BNC2: variants seen among roughly 807,000 people sequenced by gnomAD.
BNC2 encodes zinc finger protein basonuclin-2.
In BNC2, 20 loss-of-function variants were observed where a neutral mutation model predicts 76.3. The ratio of observed to expected loss-of-function variants is 0.26; its 90% CI spans 0.18 to 0.38. BNC2 has a LOEUF of 0.38. Among genes scored for constraint, BNC2 ranks in the 10% least tolerant of loss-of-function variants. The probability of loss-of-function intolerance (pLI) is 1.00; values close to 1 mark genes in which losing one functional copy is unlikely to be tolerated. For missense variants in BNC2, 1,382 were observed against 1,399.8 expected, an observed-to-expected ratio of 0.99 and a Z score of 0.20; for synonymous variants, 582 against 514.8, an observed-to-expected ratio of 1.13 and a Z score of -1.77.
intron 5 of BNC2, among the ~76,000 whole-genome samples, chr9:16,484,757 C>A (rs1270260353): frequency 1.3e-5 from 2 of 152,170 alleles, no homozygotes; most frequent in Non-Finnish European, 2.9e-5. Flanking sequence ...GTGCCACGAC[C>A]TATATGTTCT....
chr9:16,510,517 G>A (rs1427961638), intron 5 of BNC2, among the ~76,000 whole-genome samples: 3 of 152,106 alleles, frequency 2.0e-5, no homozygotes, highest in Admixed American at 6.5e-5. Context: ...ACAAAGTCAG[G>A]GAAATTCACC....
In BNC2 at chr9:16,436,004, C is replaced by G. The variant is rs749135029; in HGVS notation, c.2190G>C (p.Glu730Asp). ...RDYENESESS[E>D]PKLGEESMEG... Reference sequence around the variant, plus strand: ...CCATGGATTCCTCGCCCAGTTTGGGCTCCGAAGACTCAGACTCGTTCTCAT... The same window carrying G: ...CCATGGATTCCTCGCCCAGTTTGGGGTCCGAAGACTCAGACTCGTTCTCAT... The change falls in exon 6 of 7, where the codon GAG (glutamate) becomes GAC (aspartate). Residue 730 changes from glutamate (E) to aspartate (D), a missense_variant. By Grantham distance (45) the Glu-to-Asp change is conservative. Transcript: ENST00000380672. 3.7e-5 allele frequency: 60 copies of G among 1,614,060 alleles called. No homozygotes were observed. The highest frequency in any genetic ancestry group is 3.3e-4 in the Middle Eastern group (2 of 6,084).
intron 3 of BNC2, among the ~76,000 whole-genome samples, chr9:16,629,705 G>A (rs1563871234): frequency 6.6e-6 from 1 of 152,040 alleles, no homozygotes; most frequent in Non-Finnish European, 1.5e-5. Flanking sequence ...TTGTTTATTC[G>A]ATGCTGTAGT....
chr9:16,648,728 G>A (rs1235494324), intron 3 of BNC2, among the ~76,000 whole-genome samples: 1 of 152,188 alleles, frequency 6.6e-6, no homozygotes, highest in African/African-American at 2.4e-5. Flanking sequence ...AGAAACATTT[G>A]ACAAGCAGTT....
chr9:16,597,752 A>G (rs977899041), intron 3 of BNC2, among the ~76,000 whole-genome samples: 2 of 152,126 alleles, frequency 1.3e-5, no homozygotes, highest in Non-Finnish European at 1.5e-5. Flanking sequence ...CATAATCTTA[A>G]GTGTACAAAA....
intron 1 of BNC2, among the ~76,000 whole-genome samples, chr9:16,824,422 C>T (rs949387820): frequency 3.9e-5 from 6 of 152,138 alleles, no homozygotes; most frequent in Admixed American, 1.3e-4. Flanking sequence ...ACATATATGA[C>T]ACTCTTTCAA....
chr9:16,630,676 GTAACTAGA>G (rs1478918634), intron 3 of BNC2, among the ~76,000 whole-genome samples: 1 of 150,870 alleles, frequency 6.6e-6, no homozygotes, highest in Non-Finnish European at 1.5e-5. Context: ...AAGAAATCTA[GTAACTAGA>G]TTTCTGGTCC....
chr9:16,806,818 A>G (rs977473832), intron 1 of BNC2, among the ~76,000 whole-genome samples: 1 of 152,188 alleles, frequency 6.6e-6, no homozygotes, highest in Non-Finnish European at 1.5e-5. Flanking sequence ...AGGTGGAGGA[A>G]GTTAACAGGT....
At chr9:16,469,395 AGGGG>A (rs1821771060) in intron 5 of BNC2, among the ~76,000 whole-genome samples, 1 of 152,102 alleles carries the variant, frequency 6.6e-6, no homozygotes, top group South Asian at 2.1e-4. Flanking sequence ...TGGGTTTTTC[AGGGG>A]TTTCTGCTTT....
At chr9:16,860,061 G>A (rs892882059) in intron 1 of BNC2, among the ~76,000 whole-genome samples, 4 of 151,820 alleles carry the variant, frequency 2.6e-5, no homozygotes, top group African/African-American at 9.7e-5. Context: ...GGTGGAGGCT[G>A]CAGTGAGCCG....
At chr9:16,607,387 G>C (rs1820416295) in intron 3 of BNC2, among the ~76,000 whole-genome samples, 1 of 152,152 alleles carries the variant, frequency 6.6e-6, no homozygotes, top group African/African-American at 2.4e-5. Flanking sequence ...GCATTTAAAA[G>C]AAACACAGGA....
chr9:16,529,438 T>C (rs1817911193), intron 5 of BNC2, among the ~76,000 whole-genome samples: 1 of 152,214 alleles, frequency 6.6e-6, no homozygotes, highest in Admixed American at 6.5e-5. Context: ...TATGGACAGT[T>C]TTCATTTTTG....
chr9:16,440,332 G>A (rs550415639), intron 5 of BNC2, among the ~76,000 whole-genome samples: 1 of 152,298 alleles, frequency 6.6e-6, no homozygotes, highest in Admixed American at 6.5e-5. Flanking sequence ...GTCTGTGGTA[G>A]TAAAGAGCAG....
At chr9:16,819,032 C>T (rs974242446) in intron 1 of BNC2, among the ~76,000 whole-genome samples, 1 of 152,028 alleles carries the variant, frequency 6.6e-6, no homozygotes, top group African/African-American at 2.4e-5. Flanking sequence ...AACAAGTAAT[C>T]TAACAAAAAT....
chr9:16,657,375 T>C (rs1168892920), intron 3 of BNC2, among the ~76,000 whole-genome samples: 1 of 152,178 alleles, frequency 6.6e-6, no homozygotes, highest in Admixed American at 6.5e-5. Context: ...GCATCAAATG[T>C]CACAGAGAAA....
At chr9:16,552,321 G>C (rs1818687421) in intron 5 of BNC2, among the ~76,000 whole-genome samples, 1 of 152,204 alleles carries the variant, frequency 6.6e-6, no homozygotes, top group African/African-American at 2.4e-5. Context: ...CGCAAGTCAA[G>C]AGGCCAAGTT....
At chr9:16,835,520 G>A (rs1048348901) in intron 1 of BNC2, among the ~76,000 whole-genome samples, 1 of 151,914 alleles carries the variant, frequency 6.6e-6, no homozygotes, top group Admixed American at 6.6e-5. Flanking sequence ...CCAACATGGT[G>A]AAACCCTGTC....
At chr9:16,489,818 C>G (rs929814828) in intron 5 of BNC2, among the ~76,000 whole-genome samples, 10 of 152,166 alleles carry the variant, frequency 6.6e-5, no homozygotes, top group African/African-American at 2.4e-4. Flanking sequence ...TCAGGTGACT[C>G]AAAAGAATGT....
intron 3 of BNC2, among the ~76,000 whole-genome samples, chr9:16,724,053 AACTT>A (rs773337144): frequency 2.2e-4 from 33 of 152,140 alleles, no homozygotes; most frequent in East Asian, 5.8e-4. Context: ...TTATAATCCT[AACTT>A]AGTATTTCAC....
Sources: allele counts gnomAD v4.1 joint callset (sites outside exome capture counted in the v4.1 genomes callset), GRCh38; gene constraint gnomAD v4.1.1; transcripts MANE v1.5; gene names NCBI Gene and HGNC (gene_info 2026-07-23, HGNC 2026-07-21).